Variants in CRYBA4 observed in about 807,000 individuals in gnomAD.
CRYBA4 encodes beta-crystallin A4.
A neutral mutation model predicts 31.7 loss-of-function variants in CRYBA4; 30 were observed. The observed-to-expected ratio is 0.95, with a 90% confidence interval of 0.71 to 1.28. The LOEUF (loss-of-function observed/expected upper bound fraction) is 1.28. CRYBA4 is among the 50% of genes most tolerant of loss of function. The pLI is 0.00. For synonymous variants in CRYBA4, 102 were observed against 102.3 expected (o/e 1.00, Z 0.02); for missense variants, 225 against 260.7 (o/e 0.86, Z 0.94).
chr22:26,625,628 T>G lies in CRYBA4; in HGVS notation c.300+6T>G. ...TCCGGCCTGCGGCCTGTGCTGTAAGTTCTACCACTGCTGCATCCCGGGGAG... is the reference window on the plus strand; with the variant it reads ...TCCGGCCTGCGGCCTGTGCTGTAAGGTCTACCACTGCTGCATCCCGGGGAG... On this transcript the variant is annotated splice_donor_region_variant and intron_variant, in intron 4 of 5. Transcript: ENST00000354760. 1 of 1,613,418 alleles carries G rather than the reference T, an allele frequency of 6.2e-7. No homozygotes were observed. Among genetic ancestry groups the G allele is most frequent in the Non-Finnish European group, 8.5e-7 (1 of 1,179,794 alleles).
At chr22:26,605,688 A>AC in the CRYBA4 span, among the ~76,000 whole-genome samples, 1 of 151,164 alleles carries the variant, frequency 6.6e-6, no homozygotes, top group African/African-American at 2.4e-5. Context: ...AAAAAAAAAA[A>AC]AAAAGGAAAA....
intron 5 of CRYBA4, among the ~76,000 whole-genome samples, chr22:26,629,227 C>G (rs369871589): frequency 3.4e-4 from 52 of 151,818 alleles, no homozygotes; most frequent in African/African-American, 1.2e-3. Context: ...TGAGGTGCCC[C>G]TTGGCTCCTG....
At chr22:26,604,160 A>G in the CRYBA4 span, among the ~76,000 whole-genome samples, 1 of 151,824 alleles carries the variant, frequency 6.6e-6, no homozygotes, top group African/African-American at 2.4e-5. Flanking sequence ...GCCGGACCTC[A>G]GTGTCTAGGT....
At position 26,625,497 on chromosome 22, in the gene CRYBA4, C is replaced by T. The variant is rs1308537526; in HGVS notation, c.175C>T (p.His59Tyr). ...VLSGAWVGFE[H>Y]AGFQGQQYIL... is the part of the protein sequence containing the mutation. ...TGTCTGCAGGTGGGTGGGCTTTGAG[C>T]ATGCTGGCTTCCAAGGGCAGCAGTA... Residue 59 changes from histidine to tyrosine, a missense_variant, in exon 4 of 6, where the codon CAT (histidine) becomes TAT (tyrosine). His to Tyr is a moderately conservative substitution (Grantham distance 83). Transcript: ENST00000354760. 1.2e-6 allele frequency: 2 copies of T among 1,614,020 alleles called. No homozygotes were observed. Among genetic ancestry groups the T allele is most frequent in the Non-Finnish European group, 1.7e-6 (2 of 1,180,030 alleles).
the CRYBA4 span, among the ~76,000 whole-genome samples, chr22:26,607,171 C>T: frequency 4.6e-5 from 7 of 151,546 alleles, no homozygotes; most frequent in South Asian, 2.1e-4. Context: ...TACAGGCATG[C>T]GCCACCACGC....
At chr22:26,602,720 C>G in the CRYBA4 span, among the ~76,000 whole-genome samples, 1 of 152,208 alleles carries the variant, frequency 6.6e-6, no homozygotes, top group African/African-American at 2.4e-5. Context: ...CACTTCATTC[C>G]TAAGCAGTGT....
the CRYBA4 span, chr22:26,616,341 G>A: frequency 6.2e-7 from 1 of 1,607,322 alleles, no homozygotes; most frequent in Non-Finnish European, 8.5e-7. Context: ...GCAAAAGTCT[G>A]TAAAGAAACT....
upstream of CRYBA4, among the ~76,000 whole-genome samples, chr22:26,619,785 A>G (rs1602335818): frequency 6.6e-6 from 1 of 152,328 alleles, no homozygotes; most frequent in East Asian, 1.9e-4. Flanking sequence ...CCACCAGTCT[A>G]GGCTTCAAAG....
At chr22:26,623,172 C>A in intron 2 of CRYBA4, 62 bp from the exon 3 acceptor site, 2 of 1,407,134 alleles carry the variant, frequency 1.4e-6, no homozygotes, top group African/African-American at 1.4e-5. Flanking sequence ...GGCGAGCCCC[C>A]AACCTCTCAC....
At chr22:26,628,677 C>G (rs1191675031) in intron 5 of CRYBA4, among the ~76,000 whole-genome samples, 1 of 152,160 alleles carries the variant, frequency 6.6e-6, no homozygotes, top group Admixed American at 6.5e-5. Context: ...CCAGGTACTA[C>G]AGCAGGTATC....
the CRYBA4 span, chr22:26,607,770 G>A: frequency 2.9e-6 from 4 of 1,394,016 alleles, no homozygotes; most frequent in South Asian, 3.5e-5. Flanking sequence ...TTGACAACTC[G>A]GAGGCTGCCA....
the CRYBA4 span, among the ~76,000 whole-genome samples, chr22:26,613,320 A>G: frequency 6.6e-6 from 1 of 152,166 alleles, no homozygotes; most frequent in Non-Finnish European, 1.5e-5. Flanking sequence ...GGAGGTTCAT[A>G]TAACCATGAC....
the CRYBA4 span, among the ~76,000 whole-genome samples, chr22:26,603,125 CA>C: frequency 0.015 from 1,022 of 69,350 alleles, 4 homozygotes; most frequent in African/African-American, 0.047. Flanking sequence ...GACTCCGTCT[CA>C]AAAAAAAAAA....
At chr22:26,601,368 T>C in the CRYBA4 span, among the ~76,000 whole-genome samples, 3 of 152,066 alleles carry the variant, frequency 2.0e-5, no homozygotes, top group Non-Finnish European at 2.9e-5. Context: ...TCAGGGAATT[T>C]TGTGTGCCCA....
chr22:26,610,577 GCTGAGGCTGCGTTGACCACA>G, the CRYBA4 span, among the ~76,000 whole-genome samples: 1 of 152,238 alleles, frequency 6.6e-6, no homozygotes, highest in Non-Finnish European at 1.5e-5. Context: ...TGAGGGTGGA[GCTGAGGCTGCGTTGACCACA>G]CTGAGGGTGC....
chr22:26,600,254 T>A, the CRYBA4 span, among the ~76,000 whole-genome samples: 1 of 151,896 alleles, frequency 6.6e-6, no homozygotes, highest in African/African-American at 2.4e-5. Flanking sequence ...ACAAAAAAAT[T>A]AGCAGGGTGT....
chr22:26,590,342 G>C, the CRYBA4 span, among the ~76,000 whole-genome samples: 10 of 152,184 alleles, frequency 6.6e-5, no homozygotes, highest in Non-Finnish European at 1.3e-4. Context: ...CCCCTAGGAC[G>C]GGCAGCTCAC....
At chr22:26,616,495 C>T in the CRYBA4 span, among the ~76,000 whole-genome samples, 1 of 152,320 alleles carries the variant, frequency 6.6e-6, no homozygotes, top group East Asian at 1.9e-4. Context: ...TCCCTACTTC[C>T]CAGCCAAGAC....
At chr22:26,622,707 G>A (rs563600586) in intron 2 of CRYBA4, 72 bp downstream of exon 2, 3 of 1,162,854 alleles carry the variant, frequency 2.6e-6, no homozygotes, top group African/African-American at 3.0e-5. Context: ...ATCCTAGGAG[G>A]GGGGCATTAT....
Sources: gnomAD v4.1 joint callset for allele counts (sites outside exome capture counted in the v4.1 genomes callset) on GRCh38, gnomAD v4.1.1 for gene constraint, MANE v1.5 for transcripts, NCBI Gene and HGNC (gene_info 2026-07-23, HGNC 2026-07-21) for gene names.